Variants in EXD1 observed in about 807,000 individuals in gnomAD.
EXD1 encodes the protein piRNA biogenesis protein EXD1.
Under a neutral mutation model 49.1 loss-of-function variants are expected in EXD1, and 63 were observed. That is an observed-to-expected ratio of 1.28 (90% CI 1.05 to 1.58). The LOEUF (loss-of-function observed/expected upper bound fraction) is 1.58. Among genes scored for constraint, EXD1 ranks in the 40% most tolerant of loss-of-function variants. EXD1 has a pLI of 0.00. For synonymous variants in EXD1, 234 were observed against 239.2 expected, an observed-to-expected ratio of 0.98 and a Z score of 0.20; for missense variants, 748 against 666.0, an observed-to-expected ratio of 1.12 and a Z score of -1.36.
At chr15:41,189,820 A>G in intron 11 of EXD1, 117 bp downstream of exon 11, 1 of 987,478 alleles carries the variant, frequency 1.0e-6, no homozygotes, top group Middle Eastern at 3.3e-4. Flanking sequence ...CTTCAAGAGT[A>G]TTTATCCCCA....
chr15:41,191,662 G>T, intron 9 of EXD1, 77 bp from the exon 10 acceptor site: 2 of 1,358,522 alleles, frequency 1.5e-6, no homozygotes, highest in Non-Finnish European at 2.0e-6. Context: ...TATATTTAGA[G>T]AAATGTCTAA....
chr15:41,199,759 C>CATATATGTGATATATAATATATCAA (rs1566980791), intron 7 of EXD1, among the ~76,000 whole-genome samples: 3 of 12,614 alleles, frequency 2.4e-4, no homozygotes, highest in Admixed American at 1.2e-3. Flanking sequence ...ATATATGATA[C>CATATATGTGATATATAATATATCAA]ATATATGATA....
chr15:41,194,878 A>G (rs1351930861), intron 9 of EXD1, among the ~76,000 whole-genome samples: 4 of 152,230 alleles, frequency 2.6e-5, no homozygotes, highest in African/African-American at 9.6e-5. Flanking sequence ...AAGTAGATAC[A>G]TAAACAGAAA....
At chr15:41,227,802 C>A (rs2047186240) in intron 1 of EXD1, among the ~76,000 whole-genome samples, 3 of 152,022 alleles carry the variant, frequency 2.0e-5, no homozygotes, top group Admixed American at 2.0e-4. Context: ...GTAATCCTAG[C>A]ACTTTAGGAG....
intron 7 of EXD1, 22 bp downstream of exon 7, chr15:41,209,479 A>G (rs2046886816): frequency 6.2e-7 from 1 of 1,602,214 alleles, no homozygotes; most frequent in African/African-American, 1.3e-5. Flanking sequence ...TTCAAAATAA[A>G]AAGTTTTCAA....
In EXD1 at chr15:41,198,491, A is replaced by T. The variant is rs190622574; in HGVS notation, c.535-2454T>A. ...AGGATCTCTTGAACCCAGGAGTTCA[A>T]GACCACCTGGAAAACTTATGGACAC... On this transcript the variant is annotated intron_variant, in intron 7 of 11. Transcript: ENST00000458580. Among the ~76,000 whole-genome samples the T allele has an allele frequency of 1.4e-3, 214 of 152,092 alleles. 2 individuals are homozygous for T. The East Asian group carries it at 0.041, about 29-fold the overall frequency.
chr15:41,203,562 A>G (rs2046767602), intron 7 of EXD1, among the ~76,000 whole-genome samples: 2 of 152,210 alleles, frequency 1.3e-5, no homozygotes, highest in East Asian at 3.9e-4. Flanking sequence ...AGAAACTAGA[A>G]TCATTCTCCC....
chr15:41,230,219 G>A (rs936196757), intron 1 of EXD1, among the ~76,000 whole-genome samples: 1 of 151,798 alleles, frequency 6.6e-6, no homozygotes, highest in African/African-American at 2.4e-5. Context: ...GAGTAGCTGG[G>A]ATTACAGGCA....
At chr15:41,188,217 C>T (rs888796718) in intron 11 of EXD1, among the ~76,000 whole-genome samples, 26 of 151,640 alleles carry the variant, frequency 1.7e-4, no homozygotes, top group African/African-American at 5.8e-4. Flanking sequence ...AAAAATTGTT[C>T]TTAGCTCATG....
chr15:41,212,830 G>C (rs2046941268), intron 6 of EXD1, among the ~76,000 whole-genome samples: 1 of 152,204 alleles, frequency 6.6e-6, no homozygotes, highest in African/African-American at 2.4e-5. Flanking sequence ...CTTGAGCCCA[G>C]TAGTTTGAGA....
chr15:41,187,437 T>A (rs1004712032), intron 11 of EXD1, among the ~76,000 whole-genome samples: 2 of 152,180 alleles, frequency 1.3e-5, no homozygotes, highest in African/African-American at 4.8e-5. Flanking sequence ...ATAAGGGACT[T>A]GAGCATTATG....
chr15:41,206,693 C>A (rs2046829881), intron 7 of EXD1, among the ~76,000 whole-genome samples: 1 of 137,930 alleles, frequency 7.3e-6, no homozygotes, highest in Non-Finnish European at 1.5e-5. Context: ...ACAATCTCGG[C>A]TCACTGAAAC....
At chr15:41,202,800 C>T (rs762641187) in intron 7 of EXD1, among the ~76,000 whole-genome samples, 1 of 151,934 alleles carries the variant, frequency 6.6e-6, no homozygotes, top group African/African-American at 2.4e-5. Flanking sequence ...TGCCTGTAGC[C>T]CCAGCTACTG....
chr15:41,219,734 T>A, intron 3 of EXD1, 96 bp downstream of exon 3: 1 of 1,026,408 alleles, frequency 9.7e-7, no homozygotes, highest in Non-Finnish European at 1.4e-6. Context: ...AAATACCAAC[T>A]TTAAGAATCC....
chr15:41,227,850 G>C (rs1332862606), intron 1 of EXD1, among the ~76,000 whole-genome samples: 1 of 152,032 alleles, frequency 6.6e-6, no homozygotes, highest in African/African-American at 2.4e-5. Context: ...AGGAGTTCGA[G>C]ACCAGCCTGA....
intron 9 of EXD1, among the ~76,000 whole-genome samples, chr15:41,195,488 T>C (rs1003034790): frequency 6.6e-6 from 1 of 152,160 alleles, no homozygotes; most frequent in African/African-American, 2.4e-5. Flanking sequence ...ATTGCTCAAG[T>C]TTCTGAATGC....
chr15:41,188,015 C>A (rs1429163348), intron 11 of EXD1, among the ~76,000 whole-genome samples: 33 of 111,640 alleles, frequency 3.0e-4, no homozygotes, highest in African/African-American at 1.0e-3. Flanking sequence ...AACCCCGTCT[C>A]AAAAAAAAAA....
At chr15:41,189,797 C>T (rs965727323) in intron 11 of EXD1, 140 bp downstream of exon 11, 4 of 731,954 alleles carry the variant, frequency 5.5e-6, no homozygotes, top group African/African-American at 1.8e-5. Context: ...GGATCATGCC[C>T]AAGCTGTTGC....
rs2046361833 is a variant in EXD1 at position 41,183,975 on chromosome 15, C to G, written c.1675G>C (p.Glu559Gln). The G allele has an allele frequency of 6.2e-7, 1 of 1,611,634 alleles. No homozygotes were observed. The highest frequency in any genetic ancestry group is 8.5e-7 in the Non-Finnish European group (1 of 1,178,752). The change falls in exon 12 of 12, where the codon GAG becomes CAG. Residue 559 changes from glutamate to glutamine, a missense_variant. By Grantham distance (29) the Glu-to-Gln change is conservative. Transcript: ENST00000458580. ...VSTLPPCPAL[E>Q]KIDSWISPFL... is the part of the protein sequence containing the mutation. ...GGACTTATCCAGGAATCGATCTTCTCCAAGGCTGGACAGGGAGGGAGTGTG... is the reference window on the plus strand; with the variant it reads ...GGACTTATCCAGGAATCGATCTTCTGCAAGGCTGGACAGGGAGGGAGTGTG...
Sources: allele counts gnomAD v4.1 joint callset (sites outside exome capture counted in the v4.1 genomes callset), GRCh38; gene constraint gnomAD v4.1.1; transcripts MANE v1.5; gene names NCBI Gene and HGNC (gene_info 2026-07-23, HGNC 2026-07-21).